SCLT1: variants seen among roughly 807,000 people sequenced by gnomAD.
SCLT1 encodes sodium channel-associated protein 1.
SCLT1 carries 78 observed loss-of-function variants against 112.8 expected under a neutral mutation model. The ratio of observed to expected loss-of-function variants is 0.69; its 90% CI spans 0.58 to 0.83. The LOEUF (loss-of-function observed/expected upper bound fraction) is 0.83. SCLT1 is among the 40% of genes least tolerant of loss of function. The pLI is 0.00. For synonymous variants in SCLT1, 257 were observed against 254.7 expected (o/e 1.01, Z -0.09); for missense variants, 747 against 770.4 (o/e 0.97, Z 0.36).
At chr4:129,085,231 G>A (rs573995089) in intron 1 of SCLT1, among the ~76,000 whole-genome samples, 5 of 152,204 alleles carry the variant, frequency 3.3e-5, no homozygotes, top group African/African-American at 1.2e-4. Flanking sequence ...TTTAAAAGAA[G>A]ACATATATGC....
At chr4:128,888,824 G>A in intron 19 of SCLT1, 50 bp from the exon 20 acceptor site, 1 of 1,122,466 alleles carries the variant, frequency 8.9e-7, no homozygotes, top group East Asian at 2.4e-5. Context: ...GTGACATGGA[G>A]ATGTTTTGTG....
rs73847385 is a variant in SCLT1, at chr4:129,035,930, C to T, written c.290+3111G>A. Among the ~76,000 whole-genome samples the T allele has an allele frequency of 3.6e-3, 539 of 151,648 alleles. 1 individual carries two copies. Among genetic ancestry groups the T allele is most frequent in the African/African-American group, 0.011 (441 of 41,398 alleles). On this transcript the variant is annotated intron_variant, in intron 5 of 20. Transcript: ENST00000281142. ...TTGTAGTAAATTCTCAGATAGTATA[C>T]TCTGATATGTAAATGTAAGTATTAA...
chr4:128,988,254 C>G (rs1341559613), intron 9 of SCLT1, among the ~76,000 whole-genome samples: 2 of 151,938 alleles, frequency 1.3e-5, no homozygotes, highest in Non-Finnish European at 2.9e-5. Context: ...AGAAGACAGA[C>G]TTACCAAAAA....
intron 5 of SCLT1, among the ~76,000 whole-genome samples, chr4:129,023,049 C>A (rs1168248193): frequency 3.3e-5 from 5 of 152,238 alleles, no homozygotes; most frequent in South Asian, 2.1e-4. Flanking sequence ...CCAAACTAAG[C>A]TTCACAAATG....
In SCLT1 at chr4:128,891,087, A is replaced by C; in HGVS notation, c.1880T>G (p.Leu627Arg). The C allele has an allele frequency of 6.2e-7, 1 of 1,613,110 alleles. No individual in the cohort carries two copies. The highest frequency in any genetic ancestry group is 8.5e-7 in the Non-Finnish European group (1 of 1,179,472). ...KLHTQELLSQLEMANEKVAEN... is the reference protein window; with the variant it reads ...KLHTQELLSQREMANEKVAEN... ...AGCTACCTTTTCATTTGCCATTTCC[A>C]GCTGAGAAAGCAGCTCTTGGGTATG... The change falls in exon 19 of 21, where the codon CTG becomes CGG. Residue 627 changes from leucine to arginine, a missense_variant. Physicochemically the swap from Leu to Arg is moderately radical, Grantham distance 102. Coordinates refer to ENST00000281142, the MANE Select transcript of SCLT1 (RefSeq NM_144643.4).
chr4:129,090,982 C>A (rs1006576589), intron 1 of SCLT1, among the ~76,000 whole-genome samples: 1 of 152,032 alleles, frequency 6.6e-6, no homozygotes, highest in African/African-American at 2.4e-5. Flanking sequence ...TTGAGAAGTA[C>A]CAAAACAAAT....
chr4:129,005,551 C>G (rs1037309385), intron 5 of SCLT1, among the ~76,000 whole-genome samples: 9 of 152,094 alleles, frequency 5.9e-5, no homozygotes, highest in Admixed American at 5.9e-4. Context: ...AATAGGAACA[C>G]CTTTACACTG....
At chr4:128,948,442 T>C in intron 15 of SCLT1, 54 bp downstream of exon 15, 2 of 1,581,574 alleles carry the variant, frequency 1.3e-6, no homozygotes, top group Non-Finnish European at 1.7e-6. Flanking sequence ...CAGACAGTAA[T>C]GTTGCATATT....
chr4:128,943,328 T>A (rs1044216551), intron 16 of SCLT1, 140 bp from the exon 17 acceptor site: 3 of 586,192 alleles, frequency 5.1e-6, no homozygotes, highest in Non-Finnish European at 8.6e-6. Flanking sequence ...TGAAACTATG[T>A]GGTTTCAAAA....
intron 1 of SCLT1, among the ~76,000 whole-genome samples, chr4:129,088,325 C>G (rs1043265395): frequency 1.3e-5 from 2 of 152,104 alleles, no homozygotes; most frequent in African/African-American, 4.8e-5. Flanking sequence ...ATCCAGCATC[C>G]ATTTTGATAA....
At position 128,948,519 on chromosome 4, in the gene SCLT1, C is replaced by T. The variant is rs1553967420; in HGVS notation, c.1270G>A (p.Ala424Thr). The change falls in exon 15 of 21, where the codon GCA (alanine) becomes ACA (threonine). Residue 424 changes from alanine to threonine, a missense_variant. Ala to Thr is a moderately conservative substitution (Grantham distance 58, BLOSUM62 0). Transcript: ENST00000281142. ...QIERVIKEKK[A>T]VEEELEKIYR... is the part of the protein sequence containing the mutation. Reference sequence around the variant, plus strand: ...ACCTTTTCTAGTTCTTCTTCCACTGCTTTTTTTTCCTTAATGACTCGTTCA... The same window carrying T: ...ACCTTTTCTAGTTCTTCTTCCACTGTTTTTTTTTCCTTAATGACTCGTTCA... 7 of 1,605,804 alleles carry T rather than the reference C, an allele frequency of 4.4e-6. No individual in the cohort carries two copies. The South Asian group carries it at 4.4e-5, about 10-fold the overall frequency.
intron 18 of SCLT1, among the ~76,000 whole-genome samples, chr4:128,897,306 C>G (rs1733850968): frequency 6.6e-6 from 1 of 152,036 alleles, no homozygotes; most frequent in African/African-American, 2.4e-5. Flanking sequence ...GGAAGCCCAT[C>G]AGACTAACAG....
At chr4:129,072,025 G>T (rs1751057148) in intron 2 of SCLT1, among the ~76,000 whole-genome samples, 1 of 152,058 alleles carries the variant, frequency 6.6e-6, no homozygotes, top group Non-Finnish European at 1.5e-5. Context: ...TGGTGAATTT[G>T]CTCAGCATTT....
intron 18 of SCLT1, among the ~76,000 whole-genome samples, chr4:128,921,773 A>C (rs1214800961): frequency 6.6e-6 from 1 of 152,208 alleles, no homozygotes; most frequent in South Asian, 2.1e-4. Context: ...GACCAATTGC[A>C]ACAAAAATAA....
chr4:129,058,918 T>A, intron 2 of SCLT1, among the ~76,000 whole-genome samples: 1 of 152,134 alleles, frequency 6.6e-6, no homozygotes, highest in Non-Finnish European at 1.5e-5. Flanking sequence ...CATATTTATA[T>A]GCTCTGGTGT....
chr4:129,060,439 G>T (rs1047142226), intron 2 of SCLT1, among the ~76,000 whole-genome samples: 1 of 152,170 alleles, frequency 6.6e-6, no homozygotes, highest in East Asian at 1.9e-4. Context: ...ACACCTGTTG[G>T]AACAATCACC....
chr4:128,933,248 A>G (rs1034746985), intron 18 of SCLT1, among the ~76,000 whole-genome samples: 6 of 152,132 alleles, frequency 3.9e-5, no homozygotes, highest in African/African-American at 1.4e-4. Flanking sequence ...AAGGTAGAAT[A>G]AACACTTGAT....
intron 12 of SCLT1, among the ~76,000 whole-genome samples, chr4:128,957,384 TA>T (rs1374916500): frequency 6.6e-6 from 1 of 152,190 alleles, no homozygotes; most frequent in East Asian, 1.9e-4. Flanking sequence ...CCAGAAATCT[TA>T]AAACCATTGT....
At chr4:128,995,454 G>A (rs1742929370) in intron 8 of SCLT1, among the ~76,000 whole-genome samples, 2 of 152,044 alleles carry the variant, frequency 1.3e-5, no homozygotes, top group Admixed American at 1.3e-4. Flanking sequence ...GGTTTCTGGA[G>A]ATTTATCTTA....
Sources: gnomAD v4.1 joint callset for allele counts (sites outside exome capture counted in the v4.1 genomes callset) on GRCh38, gnomAD v4.1.1 for gene constraint, MANE v1.5 for transcripts, NCBI Gene and HGNC (gene_info 2026-07-23, HGNC 2026-07-21) for gene names.